Variants in CCNK observed in about 807,000 individuals in gnomAD.
CCNK encodes the protein cyclin K, also known as cyclin-K.
CCNK carries 9 observed loss-of-function variants against 65.0 expected under a neutral mutation model. That is an observed-to-expected ratio of 0.14 (90% CI 0.08 to 0.24). CCNK has a LOEUF of 0.24. Among genes scored for constraint, CCNK ranks in the 10% least tolerant of loss-of-function variants. CCNK has a pLI of 1.00. For missense variants in CCNK, 474 were observed against 720.0 expected (o/e 0.66, Z 3.91); for synonymous variants, 279 against 270.8 (o/e 1.03, Z -0.30).
intron 1 of CCNK, among the ~76,000 whole-genome samples, chr14:99,487,621 A>G (rs1415519869): frequency 6.6e-6 from 1 of 152,236 alleles, no homozygotes; most frequent in Non-Finnish European, 1.5e-5. Flanking sequence ...GTGTCATCGC[A>G]CAGTCCTTCA....
Position 99,511,523 on chromosome 14 carries a change from C to G in CCNK, c.*741C>G, listed in dbSNP as rs1229124959. 6.6e-6 allele frequency: 1 copy of G among 152,560 alleles called. No homozygotes were observed. The highest frequency in any genetic ancestry group is 2.4e-5 in the African/African-American group (1 of 41,452). 9.5% of individuals were successfully genotyped at this position (152,560 alleles called of 1,614,324 possible). A position where few individuals can be genotyped will look rare whatever the true frequency, so the allele number is the denominator to read the frequency against. On this transcript the variant is annotated 3_prime_UTR_variant, in exon 11 of 11. Coordinates refer to ENST00000389879, the MANE Select transcript of CCNK (RefSeq NM_001099402.2). ...AAAGCAGTTCTGAAACTATCCCTTT[C>G]TTTGTTATGGGTGGAAGGTGGGGCT...
rs1402453647 is a variant in CCNK, at chr14:99,493,564, T to G, written c.248T>G (p.Met83Arg). The change falls in exon 3 of 11, where the codon ATG (methionine) becomes AGG (arginine). Residue 83 changes from methionine to arginine, a missense_variant. This residue lies in a region of CCNK where 87 missense variants were observed against 166.2 expected (regional missense o/e 0.52). Transcript: ENST00000389879. The part of the protein sequence containing the change: ...TGIIYFHRFY[M>R]FHSFKQFPRY... Reference sequence around the variant, plus strand: ...ATAATTTATTTTCATCGCTTCTATATGTTTCATTCCTTCAAGCAATTCCCA... The same window carrying G: ...ATAATTTATTTTCATCGCTTCTATAGGTTTCATTCCTTCAAGCAATTCCCA... 1 of 1,611,498 alleles carries G rather than the reference T, an allele frequency of 6.2e-7. No homozygotes were observed. Among genetic ancestry groups the G allele is most frequent in the African/African-American group, 1.3e-5 (1 of 74,968 alleles).
rs565499815 is a variant in CCNK at position 99,511,815 on chromosome 14, C to G, written c.*1033C>G. The G allele has an allele frequency of 1.8e-4, 28 of 152,688 alleles. No individual in the cohort carries two copies. The highest frequency in any genetic ancestry group is 6.0e-4 in the African/African-American group (25 of 41,590). The allele number at this position is 152,688 out of a possible 1,614,324, so 9.5% of individuals were successfully genotyped here. On this transcript the variant is annotated 3_prime_UTR_variant, in exon 11 of 11. Coordinates refer to ENST00000389879, the MANE Select transcript of CCNK (RefSeq NM_001099402.2). Reference sequence around the variant, plus strand: ...GCTGCGTAGAACGCACACAGGAACCCGGGGGCTTGGATTTGAAACCCTTTC... The same window carrying G: ...GCTGCGTAGAACGCACACAGGAACCGGGGGGCTTGGATTTGAAACCCTTTC...
At position 99,481,430 on chromosome 14, in the gene CCNK, C is replaced by G. The variant is rs1179725287; in HGVS notation, c.-102C>G. 1 of 398,610 alleles carries G rather than the reference C, an allele frequency of 2.5e-6. No homozygotes were observed. The highest frequency in any genetic ancestry group is 3.6e-5 in the East Asian group (1 of 28,094). The allele number at this position is 398,610 out of a possible 1,614,324, so 24.7% of individuals were successfully genotyped here. A position where few individuals can be genotyped will look rare whatever the true frequency, so the allele number is the denominator to read the frequency against. On this transcript the variant is annotated 5_prime_UTR_variant, in exon 1 of 11. Transcript: ENST00000389879. Reference sequence around the variant, plus strand: ...CCCCGACATTCCATATACAAGATGGCCGCAGTCGGCAAGGAGAGACGTCGC... The same window carrying G: ...CCCCGACATTCCATATACAAGATGGGCGCAGTCGGCAAGGAGAGACGTCGC...
intron 9 of CCNK, chr14:99,505,474 G>A (rs971088283): frequency 6.6e-6 from 1 of 150,902 alleles, no homozygotes; most frequent in African/African-American, 2.4e-5. Context: ...TTGGTTACAT[G>A]TTGAAATAAA....
intron 1 of CCNK, among the ~76,000 whole-genome samples, chr14:99,484,081 C>CA (rs1896423343): frequency 6.6e-6 from 1 of 152,204 alleles, no homozygotes. Context: ...ATTACATTTA[C>CA]AAAACCTGAG....
chr14:99,498,345 C>T (rs1896745217), intron 4 of CCNK, among the ~76,000 whole-genome samples: 1 of 152,162 alleles, frequency 6.6e-6, no homozygotes, highest in Non-Finnish European at 1.5e-5. Flanking sequence ...GGCTTTGCAA[C>T]CTGCCCCCTG....
intron 9 of CCNK, chr14:99,506,187 A>G (rs946358486): frequency 1.3e-5 from 2 of 152,318 alleles, no homozygotes; most frequent in Non-Finnish European, 1.5e-5. Context: ...CCTGGAACTT[A>G]AATTGAGCCT....
At chr14:99,503,376 C>G in intron 8 of CCNK, 1 of 602,112 alleles carries the variant, frequency 1.7e-6, no homozygotes, top group Non-Finnish European at 3.0e-6. Context: ...CAGAACTCAC[C>G]ATTCAGGAAA....
intron 1 of CCNK, among the ~76,000 whole-genome samples, chr14:99,491,079 G>A (rs530300802): frequency 6.6e-6 from 1 of 152,158 alleles, no homozygotes; most frequent in Admixed American, 6.5e-5. Context: ...ATAGCTGTGG[G>A]GTATGCTATT....
chr14:99,493,019 G>A (rs1896627656), intron 2 of CCNK, 145 bp downstream of exon 2: 4 of 753,210 alleles, frequency 5.3e-6, no homozygotes, highest in Non-Finnish European at 8.0e-6. Context: ...TTTCTGGTGG[G>A]GGTTTTTCTC....
chr14:99,503,050 G>C, intron 8 of CCNK, 66 bp downstream of exon 8: 1 of 1,545,928 alleles, frequency 6.5e-7, no homozygotes, highest in South Asian at 1.1e-5. Context: ...CCTGAGCACT[G>C]TTCCCATTTC....
In CCNK at chr14:99,510,203, G is replaced by T. The variant is rs374556013; in HGVS notation, c.1164G>T (p.Pro388=). 3 of 1,596,940 alleles carry T rather than the reference G, an allele frequency of 1.9e-6. No homozygotes were observed. Among genetic ancestry groups the T allele is most frequent in the African/African-American group, 2.7e-5 (2 of 74,600 alleles). Residue 388 remains proline, a synonymous_variant, in exon 11 of 11, where the codon CCG becomes CCT. Transcript: ENST00000389879. ...LAAALGEAEP[P]GPVDATDLPK... is the part of the protein sequence containing the mutation. The stretch of plus-strand genomic sequence containing the variant: ...CTGCCTTAGGTGAGGCTGAGCCGCC[G>T]GGCCCTGTGGATGCCACTGACCTCC...
intron 6 of CCNK, 84 bp downstream of exon 6, chr14:99,501,497 TTG>T (rs1357635915): frequency 3.1e-6 from 3 of 963,724 alleles, no homozygotes; most frequent in African/African-American, 3.2e-5. Context: ...ACCCCTCATT[TTG>T]TGTCAGAAGA....
chr14:99,509,173 C>G (rs1424709426), intron 10 of CCNK: 1 of 152,238 alleles, frequency 6.6e-6, no homozygotes, highest in East Asian at 1.9e-4. Flanking sequence ...GCCTGGGGAA[C>G]CAGAAGCATC....
rs543286524 is a variant in CCNK at position 99,489,290 on chromosome 14, T to G, written c.-52-3336T>G. Among the ~76,000 whole-genome samples, 9 of 152,310 alleles carry G rather than the reference T, an allele frequency of 5.9e-5. No individual in the cohort carries two copies. The South Asian group carries it at 1.9e-3, about 32-fold the overall frequency. On this transcript the variant is annotated intron_variant, in intron 1 of 10. Transcript: ENST00000389879. ...CAACATTAGCATTTACATATTTGCTTTATTCCACAACATGCAAAAAAAAAT... is the reference window on the plus strand; with the variant it reads ...CAACATTAGCATTTACATATTTGCTGTATTCCACAACATGCAAAAAAAAAT...
Position 99,501,418 on chromosome 14 carries a change from A to G in CCNK, c.575+5A>G. The G allele has an allele frequency of 6.3e-7, 1 of 1,576,914 alleles. No homozygotes were observed. The highest frequency in any genetic ancestry group is 2.2e-5 in the East Asian group (1 of 44,712). On this transcript the variant is annotated splice_donor_5th_base_variant and intron_variant, in intron 6 of 10. Transcript: ENST00000389879. ...ATGGACATTTGTAAATGACAGGTAT[A>G]CATGTTCAAATGTTGATTAATTACA...
At chr14:99,495,052 G>T in intron 3 of CCNK, 1 of 153,464 alleles carries the variant, frequency 6.5e-6, no homozygotes. Context: ...AAGGAAGCAT[G>T]GGCAGTGCTG....
At chr14:99,499,128 C>G (rs978316138) in intron 4 of CCNK, among the ~76,000 whole-genome samples, 1 of 152,178 alleles carries the variant, frequency 6.6e-6, no homozygotes, top group Non-Finnish European at 1.5e-5. Flanking sequence ...CAGCCTCTGC[C>G]GCCCAGGCTC....
Sources: gnomAD v4.1 joint callset for allele counts (sites outside exome capture counted in the v4.1 genomes callset) on GRCh38, gnomAD v4.1.1 for gene constraint, gnomAD v4.1.1 regional missense constraint, MANE v1.5 for transcripts, NCBI Gene and HGNC (gene_info 2026-07-23, HGNC 2026-07-21) for gene names.